AHNAK: variants seen among roughly 807,000 people sequenced by gnomAD.
AHNAK encodes the protein neuroblast differentiation-associated protein AHNAK.
In AHNAK, 23 loss-of-function variants were observed where a neutral mutation model predicts 37.8. The ratio of observed to expected loss-of-function variants is 0.61; its 90% CI spans 0.44 to 0.86. The LOEUF (loss-of-function observed/expected upper bound fraction) is 0.86, where lower values mean the gene tolerates loss of function less well. Among genes scored for constraint, AHNAK ranks in the 40% least tolerant of loss-of-function variants. The pLI, the probability that AHNAK is intolerant of heterozygous loss-of-function variation, is 0.00. For missense variants in AHNAK, 7,411 were observed against 7,319.4 expected (o/e 1.01, Z -0.46); for synonymous variants, 2,481 against 2,636.3 (o/e 0.94, Z 1.80).
intron 5 of AHNAK, among the ~76,000 whole-genome samples, chr11:62,466,469 A>ATTTTTTTTTTT (rs67385747): frequency 7.4e-6 from 1 of 135,780 alleles, no homozygotes; most frequent in African/African-American, 2.8e-5. Flanking sequence ...TAAAGTTTTG[A>ATTTTTTTTTTT]TTTTTTTTTT....
intron 5 of AHNAK, among the ~76,000 whole-genome samples, chr11:62,459,457 C>G (rs1175297805): frequency 6.6e-6 from 1 of 152,142 alleles, no homozygotes; most frequent in Non-Finnish European, 1.5e-5. Flanking sequence ...CAGACACTCT[C>G]CTGGAGCTCA....
intron 5 of AHNAK, among the ~76,000 whole-genome samples, chr11:62,480,169 G>A (rs188743759): frequency 2.6e-5 from 4 of 152,314 alleles, no homozygotes; most frequent in African/African-American, 7.2e-5. Context: ...GTGGCCAGCT[G>A]TCCTGGACAG....
In AHNAK at chr11:62,524,274, T is replaced by C; in HGVS notation, c.10143A>G (p.Thr3381=). The change falls in exon 5 of 5, where the codon ACA becomes ACG. Residue 3381 remains threonine, a synonymous_variant. Transcript: ENST00000378024. ...GAGCATTAATATCAACTTTTGGACCTGTTATGTCAATATCTGGCTTTTTAC... is the reference window on the plus strand; with the variant it reads ...GAGCATTAATATCAACTTTTGGACCCGTTATGTCAATATCTGGCTTTTTAC... ...VKGKKPDIDI[T]GPKVDINAPD... 6.2e-7 allele frequency: 1 copy of C among 1,613,802 alleles called. No individual in the cohort carries two copies. Among genetic ancestry groups the C allele is most frequent in the Non-Finnish European group, 8.5e-7 (1 of 1,179,940 alleles).
chr11:62,467,229 C>T (rs1018536156), intron 5 of AHNAK, among the ~76,000 whole-genome samples: 13 of 130,416 alleles, frequency 1.0e-4, no homozygotes, highest in Admixed American at 1.5e-4. Flanking sequence ...AAAAAAAAAA[C>T]TTAGAAAAAT....
chr11:62,458,772 T>A lies in AHNAK; in HGVS notation c.443-24881A>T, dbSNP rs1938722673. Reference sequence around the variant, plus strand: ...CTCAAGGTGTAGATCCTGAACCACCTGCACCAGACTCACCTGGAGGGCTTA... The same window carrying A: ...CTCAAGGTGTAGATCCTGAACCACCAGCACCAGACTCACCTGGAGGGCTTA... On this transcript the variant is annotated intron_variant, in intron 5 of 5. Coordinates refer to the AHNAK transcript ENST00000257247. Among the ~76,000 whole-genome samples, 4 of 131,962 alleles carry A rather than the reference T, an allele frequency of 3.0e-5. No individual in the cohort carries two copies. The Admixed American group carries it at 3.1e-4, about 10-fold the overall frequency. 86.6% of individuals were successfully genotyped at this position (131,962 alleles called of 152,430 possible). A position where few individuals can be genotyped will look rare whatever the true frequency, so the allele number is the denominator to read the frequency against.
At position 62,525,290 on chromosome 11, in the gene AHNAK, C is replaced by T; in HGVS notation, c.9127G>A (p.Asp3043Asn). The change falls in exon 5 of 5, where the codon GAT (aspartate) becomes AAT (asparagine). Residue 3043 changes from aspartate (D) to asparagine (N), a missense_variant. By Grantham distance (23) the Asp-to-Asn change is conservative. Coordinates refer to ENST00000378024, the MANE Select transcript of AHNAK (RefSeq NM_001620.3). The part of the protein sequence containing the change: ...PGFKGEGPDV[D>N]VNLPKADLDV... ...AGGTCAGCCTTGGGCAGGTTCACAT[C>T]CACATCTGGGCCCTCTCCTTTGAAG... 1.2e-6 allele frequency: 2 copies of T among 1,613,208 alleles called. No individual in the cohort carries two copies. Among genetic ancestry groups the T allele is most frequent in the Non-Finnish European group, 1.7e-6 (2 of 1,179,850 alleles).
At chr11:62,439,420 A>T (rs1938253558) in intron 5 of AHNAK, among the ~76,000 whole-genome samples, 1 of 151,808 alleles carries the variant, frequency 6.6e-6, no homozygotes, top group Non-Finnish European at 1.5e-5. Context: ...TCTCATCTGT[A>T]AAGTGAATGC....
rs773329121 is a variant in AHNAK, at chr11:62,522,699, G to C, written c.11718C>G (p.Asp3906Glu). 6.2e-7 allele frequency: 1 copy of C among 1,609,702 alleles called. No homozygotes were observed. The highest frequency in any genetic ancestry group is 8.5e-7 in the Non-Finnish European group (1 of 1,178,664). Residue 3906 changes from aspartate to glutamate, a missense_variant, in exon 5 of 5, where the codon GAC becomes GAG. Asp to Glu is a conservative substitution (Grantham distance 45). Transcript: ENST00000378024. ...CCACTTTGGGGCCTTTAATATCCAA[G>C]TCAGGAACTTGCATGTCACCTTCCA... The part of the protein sequence containing the change: ...PKVEGDMQVP[D>E]LDIKGPKVDI...
In AHNAK at chr11:62,523,987, A is replaced by C. The variant is rs142797345; in HGVS notation, c.10430T>G (p.Met3477Arg). ...GPDWNLKMPK[M>R]KMPKFSVSGL... ...AGACACACTGAATTTGGGCATTTTC[A>C]TCTTGGGCATTTTCAGATTCCAGTC... Residue 3477 changes from methionine to arginine, a missense_variant, in exon 5 of 5, where the codon ATG (methionine) becomes AGG (arginine). Physicochemically the swap from Met to Arg is moderately conservative, Grantham distance 91 (BLOSUM62 -1). Transcript: ENST00000378024. The C allele has an allele frequency of 2.5e-4, 398 of 1,613,924 alleles. No homozygotes were observed. The African/African-American group carries it at 4.5e-3, about 18-fold the overall frequency.
chr11:62,468,262 C>A (rs559702357), intron 5 of AHNAK, among the ~76,000 whole-genome samples: 2 of 151,798 alleles, frequency 1.3e-5, no homozygotes, highest in South Asian at 2.1e-4. Flanking sequence ...GCAGGAGAAT[C>A]GCTTGAACCT....
intron 5 of AHNAK, among the ~76,000 whole-genome samples, chr11:62,439,339 G>T (rs7121433): frequency 6.6e-6 from 1 of 151,574 alleles, no homozygotes; most frequent in Non-Finnish European, 1.5e-5. Context: ...CTTGTGATCC[G>T]CCCACCTCGG....
chr11:62,474,933 AG>A (rs1341760568), intron 5 of AHNAK, among the ~76,000 whole-genome samples: 1 of 152,174 alleles, frequency 6.6e-6, no homozygotes, highest in East Asian at 1.9e-4. Flanking sequence ...GGTGAGGAAG[AG>A]GGACCCAGGA....
intron 5 of AHNAK, among the ~76,000 whole-genome samples, chr11:62,460,441 G>C (rs1590599634): frequency 1.3e-5 from 2 of 152,184 alleles, no homozygotes; most frequent in East Asian, 3.8e-4. Context: ...CTTCAGCCTG[G>C]GGGAGCTCCC....
chr11:62,486,020 CAA>C (rs139783265), intron 5 of AHNAK, among the ~76,000 whole-genome samples: 67 of 68,388 alleles, frequency 9.8e-4, no homozygotes, highest in African/African-American at 3.0e-3. Context: ...GACTTTGTCT[CAA>C]AAAAAAAAAA....
chr11:62,525,247 T>C lies in AHNAK; in HGVS notation c.9170A>G (p.Lys3057Arg), dbSNP rs1041939957. 9 of 1,612,654 alleles carry C rather than the reference T, an allele frequency of 5.6e-6. No individual in the cohort carries two copies. Among genetic ancestry groups the C allele is most frequent in the Non-Finnish European group, 7.6e-6 (9 of 1,179,760 alleles). The change falls in exon 5 of 5, where the codon AAG becomes AGG. Residue 3057 changes from lysine (K) to arginine (R), a missense_variant. Lys to Arg is a conservative substitution (Grantham distance 26). Coordinates refer to ENST00000378024, the MANE Select transcript of AHNAK (RefSeq NM_001620.3). The stretch of plus-strand genomic sequence containing the variant: ...CACATCTGGAACATCAATGTCCACC[T>C]TGGGTCCTGAGACATCAAGGTCAGC... The part of the protein sequence containing the change: ...PKADLDVSGP[K>R]VDIDVPDVNI...
chr11:62,472,451 C>T (rs1160697518), intron 5 of AHNAK, among the ~76,000 whole-genome samples: 2 of 152,094 alleles, frequency 1.3e-5, no homozygotes, highest in African/African-American at 4.8e-5. Context: ...CACCCCAGCC[C>T]TCAGCAATGC....
At chr11:62,449,348 C>G (rs1938485648) in intron 5 of AHNAK, among the ~76,000 whole-genome samples, 2 of 152,200 alleles carry the variant, frequency 1.3e-5, no homozygotes, top group Non-Finnish European at 2.9e-5. Flanking sequence ...CACCTGCACC[C>G]TGCCACCTGT....
chr11:62,505,437 G>T (rs1330262852), intron 4 of AHNAK, among the ~76,000 whole-genome samples: 1 of 152,074 alleles, frequency 6.6e-6, no homozygotes, highest in Non-Finnish European at 1.5e-5. Context: ...GCTGGATGGG[G>T]GTTCACCAGG....
chr11:62,478,750 CAAAA>C (rs11358273), intron 5 of AHNAK, among the ~76,000 whole-genome samples: 19 of 88,434 alleles, frequency 2.1e-4, no homozygotes, highest in Non-Finnish European at 2.3e-4. Context: ...GACCCTGCCT[CAAAA>C]AAAAAAAAAA....
Sources: allele counts gnomAD v4.1 joint callset (sites outside exome capture counted in the v4.1 genomes callset), GRCh38; gene constraint gnomAD v4.1.1; transcripts MANE v1.5; gene names NCBI Gene and HGNC (gene_info 2026-07-23, HGNC 2026-07-21).